The following NALF1 variants were observed in gnomAD, a reference collection of about 807,000 sequenced individuals.
NALF1 encodes NALCN channel auxiliary factor 1, also known as family with sequence similarity 155 member A.
A neutral mutation model predicts 48.4 loss-of-function variants in NALF1; 3 were observed. That is an observed-to-expected ratio of 0.06 (90% CI 0.03 to 0.16). NALF1 has a LOEUF of 0.16. Among genes scored for constraint, NALF1 ranks in the 10% least tolerant of loss-of-function variants. The pLI, the probability that NALF1 is intolerant of heterozygous loss-of-function variation, is 1.00. For synonymous variants in NALF1, 262 were observed against 245.7 expected (o/e 1.07, Z -0.62); for missense variants, 526 against 571.5 (o/e 0.92, Z 0.81).
At chr13:107,210,296 C>T (rs1212393096) in intron 2 of NALF1, among the ~76,000 whole-genome samples, 1 of 152,154 alleles carries the variant, frequency 6.6e-6, no homozygotes. Flanking sequence ...TATACTAGGT[C>T]ACATGTAAGT....
chr13:107,690,059 T>G (rs1881531936), intron 1 of NALF1, among the ~76,000 whole-genome samples: 1 of 152,210 alleles, frequency 6.6e-6, no homozygotes, highest in Non-Finnish European at 1.5e-5. Flanking sequence ...TTTAGCCGAT[T>G]TAACACTTAA....
chr13:107,390,637 T>C (rs991152292), intron 1 of NALF1, among the ~76,000 whole-genome samples: 2 of 151,970 alleles, frequency 1.3e-5, no homozygotes, highest in African/African-American at 4.8e-5. Flanking sequence ...TGAGGCAAAG[T>C]TTTACTTGAG....
At chr13:107,183,386 C>T (rs774356556) in intron 2 of NALF1, among the ~76,000 whole-genome samples, 11 of 152,168 alleles carry the variant, frequency 7.2e-5, no homozygotes, top group Non-Finnish European at 1.3e-4. Flanking sequence ...CACTTTTATA[C>T]TGTTGGCGGG....
At chr13:107,285,917 A>G (rs1274308882) in intron 1 of NALF1, among the ~76,000 whole-genome samples, 1 of 152,212 alleles carries the variant, frequency 6.6e-6, no homozygotes, top group Admixed American at 6.5e-5. Context: ...GATGGAATAC[A>G]TTCAAATGGA....
chr13:107,317,856 A>G (rs1364583431), intron 1 of NALF1, among the ~76,000 whole-genome samples: 2 of 152,096 alleles, frequency 1.3e-5, no homozygotes, highest in Non-Finnish European at 1.5e-5. Context: ...ATTTTCTAAA[A>G]ATAAAATGTC....
intron 1 of NALF1, among the ~76,000 whole-genome samples, chr13:107,354,475 A>G (rs1882927551): frequency 6.6e-6 from 1 of 152,134 alleles, no homozygotes; most frequent in East Asian, 1.9e-4. Context: ...GAAGTGCTAC[A>G]TGCTTTTAAA....
chr13:107,332,776 C>A (rs911461702), intron 1 of NALF1, among the ~76,000 whole-genome samples: 3 of 152,116 alleles, frequency 2.0e-5, no homozygotes. Flanking sequence ...TGGGTAAGGT[C>A]CCACGAACCT....
chr13:107,712,747 G>A (rs1245727232), intron 1 of NALF1, among the ~76,000 whole-genome samples: 1 of 152,226 alleles, frequency 6.6e-6, no homozygotes, highest in East Asian at 1.9e-4. Flanking sequence ...TGTGAAAGGC[G>A]TGTATGAAAA....
chr13:107,326,527 C>T (rs1882367778), intron 1 of NALF1, among the ~76,000 whole-genome samples: 1 of 152,136 alleles, frequency 6.6e-6, no homozygotes, highest in African/African-American at 2.4e-5. Context: ...AAAACTGAGA[C>T]TGGGTTAAGG....
At chr13:107,644,642 C>CATATATATATATATATAT (rs371201609) in intron 1 of NALF1, among the ~76,000 whole-genome samples, 2,646 of 91,024 alleles carry the variant, frequency 0.029, 124 homozygotes, top group East Asian at 0.079. Context: ...TACATACATA[C>CATATATATATATATATAT]ATACATATAT....
In NALF1 at chr13:107,262,776, C is replaced by CTCTA. The variant is rs1225512368; in HGVS notation, c.916-52022_916-52021insTAGA. On this transcript the variant is annotated intron_variant, in intron 1 of 2. Coordinates refer to ENST00000375915, the MANE Select transcript of NALF1 (RefSeq NM_001080396.3). ...GTTGCATAACCCACAGGCGCTCTCT[C>CTCTA]TCTCTCTCTCTCTCTCTCTCTCATT... Among the ~76,000 whole-genome samples the CTCTA allele has an allele frequency of 6.3e-4, 95 of 150,986 alleles. 4 individuals carry two copies. In the South Asian group the frequency reaches 0.02, roughly 32 times the overall value.
Position 107,780,657 on chromosome 13 carries a change from G to A in NALF1, c.915+85025C>T, listed in dbSNP as rs546693491. 3.9e-5 allele frequency among the ~76,000 whole-genome samples: 6 copies of A among 151,984 alleles called. No individual in the cohort carries two copies. The South Asian group carries it at 6.2e-4, about 16-fold the overall frequency. ...GGGATTACAGGCGCCCACCAACAGTGGTGGTGGCTCACACCTGTAATCCCA... is the reference window on the plus strand; with the variant it reads ...GGGATTACAGGCGCCCACCAACAGTAGTGGTGGCTCACACCTGTAATCCCA... On this transcript the variant is annotated intron_variant, in intron 1 of 2. Coordinates refer to ENST00000375915, the MANE Select transcript of NALF1 (RefSeq NM_001080396.3).
chr13:107,638,201 A>ATATATATATATATATATATGTGTATG (rs372122331), intron 1 of NALF1, among the ~76,000 whole-genome samples: 1 of 110,832 alleles, frequency 9.0e-6, no homozygotes, highest in East Asian at 5.2e-4. Context: ...ATATATATAT[A>ATATATATATATATATATATGTGTATG]TATATAATTT....
At chr13:107,575,935 A>ATG (rs774090749) in intron 1 of NALF1, among the ~76,000 whole-genome samples, 2 of 149,692 alleles carry the variant, frequency 1.3e-5, no homozygotes, top group Non-Finnish European at 3.0e-5. Context: ...ATATGTGTGC[A>ATG]TGTGTGTGTA....
intron 1 of NALF1, among the ~76,000 whole-genome samples, chr13:107,304,885 T>C (rs572725910): frequency 6.6e-6 from 1 of 152,368 alleles, no homozygotes; most frequent in East Asian, 1.9e-4. Flanking sequence ...TAAGTAATTA[T>C]GAACACAGGC....
chr13:107,453,394 T>A (rs1884774578), intron 1 of NALF1, among the ~76,000 whole-genome samples: 1 of 152,164 alleles, frequency 6.6e-6, no homozygotes, highest in Non-Finnish European at 1.5e-5. Flanking sequence ...TAACACCACA[T>A]GGAAGCCATC....
intron 2 of NALF1, among the ~76,000 whole-genome samples, chr13:107,186,482 C>T (rs899299519): frequency 6.6e-6 from 1 of 152,170 alleles, no homozygotes; most frequent in Non-Finnish European, 1.5e-5. Context: ...ATTCTCTTGC[C>T]TCAGCCTCCT....
intron 1 of NALF1, among the ~76,000 whole-genome samples, chr13:107,297,199 C>T (rs61965550): frequency 0.075 from 11,408 of 152,152 alleles, 505 homozygotes; most frequent in Non-Finnish European, 0.099. Flanking sequence ...CTCCTTCTCT[C>T]ACTAAATGGT....
At chr13:107,623,073 CT>C (rs1339417594) in intron 1 of NALF1, among the ~76,000 whole-genome samples, 1 of 152,130 alleles carries the variant, frequency 6.6e-6, no homozygotes, top group African/African-American at 2.4e-5. Flanking sequence ...GTCATGAGTT[CT>C]CATCCAAACT....
Sources: allele counts gnomAD v4.1 joint callset (sites outside exome capture counted in the v4.1 genomes callset), GRCh38; gene constraint gnomAD v4.1.1; transcripts MANE v1.5; gene names NCBI Gene and HGNC (gene_info 2026-07-23, HGNC 2026-07-21).